SHISA9: variants seen among roughly 807,000 people sequenced by gnomAD.
The protein encoded by SHISA9 is shisa family member 9.
In SHISA9, 13 loss-of-function variants were observed where a neutral mutation model predicts 38.0. The ratio of observed to expected loss-of-function variants is 0.34; its 90% CI spans 0.22 to 0.54. The LOEUF (loss-of-function observed/expected upper bound fraction) is 0.54, where lower values mean the gene tolerates loss of function less well. Among genes scored for constraint, SHISA9 ranks in the 20% least tolerant of loss-of-function variants. The pLI, the probability that SHISA9 is intolerant of heterozygous loss-of-function variation, is 0.91. For synonymous variants in SHISA9, 275 were observed against 242.0 expected (o/e 1.14, Z -1.27); for missense variants, 538 against 575.8 (o/e 0.93, Z 0.67).
At chr16:13,295,572 C>A in the SHISA9 span, among the ~76,000 whole-genome samples, 1 of 152,098 alleles carries the variant, frequency 6.6e-6, no homozygotes, top group Admixed American at 6.5e-5. Flanking sequence ...AGGAAGGAGA[C>A]GAGCCTTGGT....
chr16:13,417,538 A>G, the SHISA9 span, among the ~76,000 whole-genome samples: 1 of 152,246 alleles, frequency 6.6e-6, no homozygotes, highest in Non-Finnish European at 1.5e-5. Context: ...AGTTTTCATT[A>G]CAGTGTACTC....
downstream of SHISA9, among the ~76,000 whole-genome samples, chr16:13,243,362 A>G (rs2051449054): frequency 6.6e-6 from 1 of 152,158 alleles, no homozygotes; most frequent in Non-Finnish European, 1.5e-5. Flanking sequence ...GGTTTTATAC[A>G]TTTTAGGGAG....
intron 2 of SHISA9, among the ~76,000 whole-genome samples, chr16:12,943,441 C>G (rs1041751809): frequency 6.6e-6 from 1 of 150,932 alleles, no homozygotes. Flanking sequence ...ATGACGAAAC[C>G]TCTACCTACC....
chr16:12,969,862 G>C (rs1203162490), intron 2 of SHISA9, among the ~76,000 whole-genome samples: 1 of 152,120 alleles, frequency 6.6e-6, no homozygotes, highest in Non-Finnish European at 1.5e-5. Flanking sequence ...AAAAAAGTAA[G>C]TTTTGGAAGC....
chr16:13,252,407 A>G, the SHISA9 span, among the ~76,000 whole-genome samples: 7 of 152,208 alleles, frequency 4.6e-5, no homozygotes, highest in African/African-American at 9.6e-5. Context: ...ATGCTGCTAA[A>G]TATCCTACAA....
At chr16:13,183,371 T>G (rs943390693) in intron 2 of SHISA9, among the ~76,000 whole-genome samples, 1 of 152,274 alleles carries the variant, frequency 6.6e-6, no homozygotes, top group Admixed American at 6.5e-5. Context: ...CTTGAACACT[T>G]TCACTGCAAA....
rs1269465925 is a variant in SHISA9, at chr16:13,235,687, G to A, written c.*278G>A. ...CTCTTTCCACTTCAGGCCCAAGATG[G>A]CCAACTCACATGCCCAAACCGTGGG... On this transcript the variant is annotated 3_prime_UTR_variant, in exon 5 of 5. Transcript: ENST00000558583. 4.8e-6 allele frequency: 2 copies of A among 418,540 alleles called. No individual in the cohort carries two copies. The highest frequency in any genetic ancestry group is 8.4e-6 in the Non-Finnish European group (2 of 236,796). 25.9% of individuals were successfully genotyped at this position (418,540 alleles called of 1,614,324 possible).
At chr16:13,042,221 C>T (rs2073140492) in intron 2 of SHISA9, among the ~76,000 whole-genome samples, 1 of 152,194 alleles carries the variant, frequency 6.6e-6, no homozygotes, top group Admixed American at 6.5e-5. Context: ...ACCTTTACCT[C>T]AGCCAGGAAC....
At chr16:13,519,291 T>G in the SHISA9 span, among the ~76,000 whole-genome samples, 1 of 152,226 alleles carries the variant, frequency 6.6e-6, no homozygotes, top group Admixed American at 6.5e-5. Context: ...CAATAATTTC[T>G]TTTAATTATT....
intron 2 of SHISA9, among the ~76,000 whole-genome samples, chr16:13,084,448 G>A (rs2073688454): frequency 6.6e-6 from 1 of 152,216 alleles, no homozygotes; most frequent in Admixed American, 6.5e-5. Context: ...GGAAAATGCA[G>A]TGAGCTCAGG....
At chr16:13,515,639 A>T in the SHISA9 span, among the ~76,000 whole-genome samples, 7 of 152,182 alleles carry the variant, frequency 4.6e-5, no homozygotes, top group Admixed American at 1.3e-4. Flanking sequence ...TCCTCATTAT[A>T]CACCAAGGTC....
chr16:12,980,891 T>C (rs1220860998), intron 2 of SHISA9, among the ~76,000 whole-genome samples: 3 of 152,216 alleles, frequency 2.0e-5, no homozygotes, highest in African/African-American at 7.2e-5. Flanking sequence ...ATGCCTGATA[T>C]TTTAAATTGG....
chr16:13,069,963 G>A (rs2073491860), intron 2 of SHISA9, among the ~76,000 whole-genome samples: 1 of 152,094 alleles, frequency 6.6e-6, no homozygotes, highest in African/African-American at 2.4e-5. Flanking sequence ...CAGAACGGTG[G>A]GAAATCAATT....
At chr16:13,143,940 C>A (rs776620532) in intron 2 of SHISA9, among the ~76,000 whole-genome samples, 12 of 152,148 alleles carry the variant, frequency 7.9e-5, no homozygotes, top group Non-Finnish European at 1.5e-4. Context: ...CCCCAGAAAT[C>A]TGATTGCTGC....
chr16:13,313,486 T>A, the SHISA9 span, among the ~76,000 whole-genome samples: 12 of 152,324 alleles, frequency 7.9e-5, 1 homozygote, highest in South Asian at 1.7e-3. Context: ...AGAAGTCACA[T>A]GTTATTTAGC....
chr16:13,273,356 T>C, the SHISA9 span, among the ~76,000 whole-genome samples: 4 of 152,146 alleles, frequency 2.6e-5, no homozygotes, highest in South Asian at 6.2e-4. Flanking sequence ...TGAGTTTCCA[T>C]GTGTTGTGGG....
intron 2 of SHISA9, among the ~76,000 whole-genome samples, chr16:13,150,376 T>A (rs1165851072): frequency 6.6e-6 from 1 of 152,154 alleles, no homozygotes. Flanking sequence ...TTTCCTCTGA[T>A]CTGTCACTGC....
intron 2 of SHISA9, among the ~76,000 whole-genome samples, chr16:13,015,894 C>CTT (rs1234562758): frequency 2.4e-5 from 3 of 126,224 alleles, no homozygotes; most frequent in African/African-American, 6.6e-5. Context: ...TTCTTTCTTT[C>CTT]TTTCTTTCTT....
chr16:13,371,850 T>G, the SHISA9 span, among the ~76,000 whole-genome samples: 1 of 152,168 alleles, frequency 6.6e-6, no homozygotes, highest in Non-Finnish European at 1.5e-5. Flanking sequence ...TGCCCCTACT[T>G]TTCACTCTAC....
Sources: gnomAD v4.1 joint callset for allele counts (sites outside exome capture counted in the v4.1 genomes callset) on GRCh38, gnomAD v4.1.1 for gene constraint, MANE v1.5 for transcripts, NCBI Gene and HGNC (gene_info 2026-07-23, HGNC 2026-07-21) for gene names.